ZNF804A: variants seen among roughly 807,000 people sequenced by gnomAD.
ZNF804A encodes zinc finger protein 804A.
ZNF804A carries 2 observed loss-of-function variants against 16.5 expected under a neutral mutation model. The ratio of observed to expected loss-of-function variants is 0.12; its 90% CI spans 0.05 to 0.38. The LOEUF is 0.38. Among genes scored for constraint, ZNF804A ranks in the 10% least tolerant of loss-of-function variants. The probability of loss-of-function intolerance (pLI) is 0.99; values close to 1 mark genes in which losing one functional copy is unlikely to be tolerated. For synonymous variants in ZNF804A, 534 were observed against 489.6 expected (o/e 1.09, Z -1.20); for missense variants, 1,473 against 1,390.7 (o/e 1.06, Z -0.94).
chr2:184,663,531 C>T (rs1347314052), intron 1 of ZNF804A, among the ~76,000 whole-genome samples: 1 of 152,030 alleles, frequency 6.6e-6, no homozygotes, highest in African/African-American at 2.4e-5. Flanking sequence ...AAGTAGATGG[C>T]AGTAGGAGGC....
At chr2:184,924,602 G>T (rs985990800) in intron 2 of ZNF804A, among the ~76,000 whole-genome samples, 2 of 149,530 alleles carry the variant, frequency 1.3e-5, no homozygotes, top group Admixed American at 6.6e-5. Flanking sequence ...ACTAATTTTG[G>T]GTATGGCTTG....
intron 1 of ZNF804A, among the ~76,000 whole-genome samples, chr2:184,820,428 GC>G (rs1257913846): frequency 6.6e-6 from 1 of 151,918 alleles, no homozygotes; most frequent in African/African-American, 2.4e-5. Context: ...AAAATAATAA[GC>G]GCCATATATG....
At chr2:184,636,395 A>G (rs1427343521) in intron 1 of ZNF804A, among the ~76,000 whole-genome samples, 1 of 148,388 alleles carries the variant, frequency 6.7e-6, no homozygotes, top group East Asian at 2.0e-4. Flanking sequence ...TTGGGCTAGG[A>G]CAAAGCATTG....
intron 2 of ZNF804A, among the ~76,000 whole-genome samples, chr2:184,915,196 T>A (rs1685425879): frequency 6.6e-6 from 1 of 152,032 alleles, no homozygotes; most frequent in African/African-American, 2.4e-5. Context: ...ATAATTAACA[T>A]CTTGTATATT....
intron 1 of ZNF804A, among the ~76,000 whole-genome samples, chr2:184,726,034 C>A (rs1574182214): frequency 6.6e-6 from 1 of 151,710 alleles, no homozygotes; most frequent in African/African-American, 2.4e-5. Context: ...CATTCACCCA[C>A]TGTAGGGCAT....
At chr2:184,826,035 C>CTATTTATTTATTTATT (rs71011060) in intron 1 of ZNF804A, among the ~76,000 whole-genome samples, 49 of 149,446 alleles carry the variant, frequency 3.3e-4, no homozygotes, top group African/African-American at 1.1e-3. Flanking sequence ...CCATGCCAGG[C>CTATTTATTTATTTATT]TATTTATTTA....
chr2:184,645,385 TC>T (rs769142090), intron 1 of ZNF804A, among the ~76,000 whole-genome samples: 10 of 152,178 alleles, frequency 6.6e-5, no homozygotes, highest in Non-Finnish European at 1.3e-4. Flanking sequence ...CAAAAGGTTT[TC>T]TCTGGTATAT....
intron 1 of ZNF804A, among the ~76,000 whole-genome samples, chr2:184,675,652 A>G (rs1435939289): frequency 6.6e-6 from 1 of 151,780 alleles, no homozygotes; most frequent in Non-Finnish European, 1.5e-5. Context: ...GCTATTAAAT[A>G]GATACTTTTT....
At chr2:184,818,191 C>G (rs1000863983) in intron 1 of ZNF804A, among the ~76,000 whole-genome samples, 1 of 152,016 alleles carries the variant, frequency 6.6e-6, no homozygotes, top group African/African-American at 2.4e-5. Flanking sequence ...GGAATCTCAT[C>G]AGACTAACAG....
chr2:184,936,194 T>G lies in ZNF804A; in HGVS notation c.798T>G (p.Asp266Glu), dbSNP rs780210500. ...ACHLQQSSPT[D>E]VLLSSEEKTN... ...ATCTTCAACAATCTTCACCAACAGATGTGCTTTTGAGTTCTGAGGAGAAAA... is the reference window on the plus strand; with the variant it reads ...ATCTTCAACAATCTTCACCAACAGAGGTGCTTTTGAGTTCTGAGGAGAAAA... The change falls in exon 4 of 4, where the codon GAT (aspartate) becomes GAG (glutamate). Residue 266 changes from aspartate (D) to glutamate (E), a missense_variant. Asp to Glu is a conservative substitution (Grantham distance 45). Coordinates refer to ENST00000302277, the MANE Select transcript of ZNF804A (RefSeq NM_194250.2). The G allele has an allele frequency of 1.2e-6, 2 of 1,614,028 alleles. No individual in the cohort carries two copies. The highest frequency in any genetic ancestry group is 8.5e-7 in the Non-Finnish European group (1 of 1,179,932).
At chr2:184,734,513 T>C (rs894704442) in intron 1 of ZNF804A, among the ~76,000 whole-genome samples, 1 of 152,216 alleles carries the variant, frequency 6.6e-6, no homozygotes, top group African/African-American at 2.4e-5. Context: ...TTTAATTCCA[T>C]TGTGGTCTGT....
intron 1 of ZNF804A, among the ~76,000 whole-genome samples, chr2:184,599,828 G>GGGAGA (rs1691017868): frequency 6.6e-6 from 1 of 152,172 alleles, no homozygotes; most frequent in Non-Finnish European, 1.5e-5. Flanking sequence ...AAGATGTACT[G>GGGAGA]AGCATTGAGA....
At position 184,615,693 on chromosome 2, in the gene ZNF804A, A is replaced by G. The variant is rs539335534; in HGVS notation, c.111+16623A>G. ...TATTTTTTTAACAATCTCAAGCCCAATAATAGGCAGTGATATAAGGAATGT... is the reference window on the plus strand; with the variant it reads ...TATTTTTTTAACAATCTCAAGCCCAGTAATAGGCAGTGATATAAGGAATGT... On this transcript the variant is annotated intron_variant, in intron 1 of 3. Coordinates refer to ENST00000302277, the MANE Select transcript of ZNF804A (RefSeq NM_194250.2). Among the ~76,000 whole-genome samples the G allele has an allele frequency of 9.9e-5, 15 of 152,210 alleles. No homozygotes were observed. In the South Asian group the frequency reaches 2.7e-3, roughly 27 times the overall value.
chr2:184,920,195 C>A (rs866689121), intron 2 of ZNF804A, among the ~76,000 whole-genome samples: 4 of 152,098 alleles, frequency 2.6e-5, no homozygotes, highest in Admixed American at 6.6e-5. Flanking sequence ...CATACAGGAC[C>A]ATCTATAAAT....
At chr2:184,809,762 A>T (rs1401472707) in intron 1 of ZNF804A, among the ~76,000 whole-genome samples, 1 of 152,002 alleles carries the variant, frequency 6.6e-6, no homozygotes. Context: ...ATGTATTTAT[A>T]TGTGTATATA....
At chr2:184,744,278 A>G (rs866380249) in intron 1 of ZNF804A, among the ~76,000 whole-genome samples, 8 of 151,916 alleles carry the variant, frequency 5.3e-5, no homozygotes, top group African/African-American at 7.2e-5. Flanking sequence ...ATTATTTTGT[A>G]TTATATACAG....
Position 184,850,857 on chromosome 2 carries a change from A to G in ZNF804A, c.112-15512A>G, listed in dbSNP as rs1695591162. ...CTTATTTAAATGGGATATTTCTAGT[A>G]GAAATGCAAGGATGTATGTGATTAC... On this transcript the variant is annotated intron_variant, in intron 1 of 3. Coordinates refer to ENST00000302277, the MANE Select transcript of ZNF804A (RefSeq NM_194250.2). Among the ~76,000 whole-genome samples the G allele has an allele frequency of 2.0e-5, 3 of 151,934 alleles. No individual in the cohort carries two copies. In the East Asian group the frequency reaches 5.8e-4, roughly 29 times the overall value.
chr2:184,901,543 A>G (rs1267423415), intron 2 of ZNF804A, among the ~76,000 whole-genome samples: 1 of 152,154 alleles, frequency 6.6e-6, no homozygotes, highest in Non-Finnish European at 1.5e-5. Context: ...CTGGGGTCAT[A>G]GGTAAATTAT....
chr2:184,781,627 T>C (rs1423879541), intron 1 of ZNF804A, among the ~76,000 whole-genome samples: 4 of 151,772 alleles, frequency 2.6e-5, no homozygotes, highest in African/African-American at 7.3e-5. Flanking sequence ...AAAAGTGCTG[T>C]GTACACGTAT....
Sources: gnomAD v4.1 joint callset for allele counts (sites outside exome capture counted in the v4.1 genomes callset) on GRCh38, gnomAD v4.1.1 for gene constraint, MANE v1.5 for transcripts, NCBI Gene and HGNC (gene_info 2026-07-23, HGNC 2026-07-21) for gene names.